MMS22L: variants seen among roughly 807,000 people sequenced by gnomAD.
The protein encoded by MMS22L is protein MMS22-like.
In MMS22L, 74 loss-of-function variants were observed where a neutral mutation model predicts 159.1. The observed-to-expected ratio is 0.47, with a 90% CI of 0.39 to 0.56. The LOEUF (loss-of-function observed/expected upper bound fraction) is 0.56, where lower values mean the gene tolerates loss of function less well. Among genes scored for constraint, MMS22L ranks in the 20% least tolerant of loss-of-function variants. The pLI is 0.00. For missense variants in MMS22L, 1,351 were observed against 1,422.1 expected (o/e 0.95, Z 0.80); for synonymous variants, 517 against 506.9 (o/e 1.02, Z -0.27).
Position 97,262,764 on chromosome 6 carries a change from A to G in MMS22L, c.942+571T>C, listed in dbSNP as rs1328516336. 2.0e-5 allele frequency among the ~76,000 whole-genome samples: 3 copies of G among 152,178 alleles called. No individual in the cohort carries two copies. In the South Asian group the frequency reaches 6.2e-4, roughly 32 times the overall value. ...AAAAGTACCCTTTCATATAACATAAACCATTTTTAATACCGTTTTACAACA... is the reference window on the plus strand; with the variant it reads ...AAAAGTACCCTTTCATATAACATAAGCCATTTTTAATACCGTTTTACAACA... On this transcript the variant is annotated intron_variant, in intron 9 of 24. Coordinates refer to ENST00000683635, the MANE Select transcript of MMS22L (RefSeq NM_001350599.2).
chr6:97,196,998 A>G (rs1166983923), intron 14 of MMS22L, among the ~76,000 whole-genome samples: 1 of 152,192 alleles, frequency 6.6e-6, no homozygotes, highest in Non-Finnish European at 1.5e-5. Context: ...ACCCATAAGC[A>G]TCAGCTTCAC....
At chr6:97,195,051 GGAT>G (rs1212147991) in intron 14 of MMS22L, among the ~76,000 whole-genome samples, 2 of 152,126 alleles carry the variant, frequency 1.3e-5, no homozygotes, top group African/African-American at 2.4e-5. Context: ...CACAGTATGG[GGAT>G]GATGATTGAT....
intron 14 of MMS22L, among the ~76,000 whole-genome samples, chr6:97,212,582 C>T (rs1808505407): frequency 6.6e-6 from 1 of 152,110 alleles, no homozygotes; most frequent in Admixed American, 6.5e-5. Context: ...TTTTTATTCT[C>T]CAAATCAGCT....
Position 97,162,135 on chromosome 6 carries a change from T to C in MMS22L, c.3252A>G (p.Ser1084=). 6.2e-7 allele frequency: 1 copy of C among 1,608,382 alleles called. No homozygotes were observed. The highest frequency in any genetic ancestry group is 8.5e-7 in the Non-Finnish European group (1 of 1,178,034). The change falls in exon 22 of 25, where the codon TCA becomes TCG. Residue 1084 remains serine (S), a synonymous_variant. Transcript: ENST00000683635. ...RKSYLEYKGS[S]PPPRLASILA... ...GAATGGATGCTAAGCGAGGAGGAGG[T>C]GAGGACCCCTTATACTCAAGGTAGG... is the stretch of plus-strand genomic sequence containing the variant.
chr6:97,221,305 G>A (rs748027343), intron 14 of MMS22L, among the ~76,000 whole-genome samples: 47 of 152,046 alleles, frequency 3.1e-4, no homozygotes, highest in Non-Finnish European at 5.9e-4. Context: ...TCTATGTACC[G>A]GATTTAGATA....
intron 14 of MMS22L, among the ~76,000 whole-genome samples, chr6:97,203,367 T>C (rs974378227): frequency 3.9e-5 from 6 of 152,180 alleles, no homozygotes; most frequent in East Asian, 3.8e-4. Flanking sequence ...CAAAGGGCTC[T>C]AGAGGGTCTG....
chr6:97,209,145 C>A (rs1387968587), intron 14 of MMS22L, among the ~76,000 whole-genome samples: 1 of 151,946 alleles, frequency 6.6e-6, no homozygotes, highest in Non-Finnish European at 1.5e-5. Context: ...TCTTCCTTCT[C>A]CTACTGATGA....
chr6:97,269,415 G>A (rs528813357), intron 7 of MMS22L, among the ~76,000 whole-genome samples: 226 of 152,128 alleles, frequency 1.5e-3, no homozygotes, highest in Non-Finnish European at 1.5e-3. Context: ...TAACTTGTAC[G>A]CAGATTAAAG....
chr6:97,159,581 A>T (rs908964457), intron 22 of MMS22L, among the ~76,000 whole-genome samples: 1 of 152,024 alleles, frequency 6.6e-6, no homozygotes, highest in Non-Finnish European at 1.5e-5. Context: ...CAGCAAATAC[A>T]TATCTTAACT....
chr6:97,183,071 G>A (rs1017896155), intron 15 of MMS22L, among the ~76,000 whole-genome samples: 4 of 151,952 alleles, frequency 2.6e-5, no homozygotes, highest in Non-Finnish European at 4.4e-5. Context: ...GATACCCAGC[G>A]ACCTTGGCAT....
At chr6:97,166,788 C>A in intron 20 of MMS22L, among the ~76,000 whole-genome samples, 1 of 152,046 alleles carries the variant, frequency 6.6e-6, no homozygotes, top group Non-Finnish European at 1.5e-5. Flanking sequence ...AAGAAATATT[C>A]CAGACTCTCC....
At chr6:97,199,110 A>G (rs556083783) in intron 14 of MMS22L, among the ~76,000 whole-genome samples, 1 of 152,244 alleles carries the variant, frequency 6.6e-6, no homozygotes, top group Non-Finnish European at 1.5e-5. Flanking sequence ...GACAACTGCA[A>G]TCATTCTACC....
At chr6:97,243,648 TAAAG>T (rs943815135) in intron 11 of MMS22L, among the ~76,000 whole-genome samples, 2 of 152,154 alleles carry the variant, frequency 1.3e-5, no homozygotes, top group African/African-American at 2.4e-5. Flanking sequence ...GTGGGGGTGA[TAAAG>T]AACCTTGTTT....
chr6:97,278,085 A>G (rs1816415750), intron 4 of MMS22L, among the ~76,000 whole-genome samples: 1 of 152,202 alleles, frequency 6.6e-6, no homozygotes, highest in Non-Finnish European at 1.5e-5. Context: ...AGACTGCACT[A>G]AAACACACTG....
At chr6:97,171,546 C>G (rs544739740) in intron 19 of MMS22L, among the ~76,000 whole-genome samples, 1 of 152,230 alleles carries the variant, frequency 6.6e-6, no homozygotes, top group African/African-American at 2.4e-5. Flanking sequence ...AAAACAAAAT[C>G]TACAGAGGAG....
intron 14 of MMS22L, among the ~76,000 whole-genome samples, chr6:97,224,723 T>C (rs186402544): frequency 6.6e-6 from 1 of 151,990 alleles, no homozygotes; most frequent in East Asian, 1.9e-4. Context: ...ATTTCATTCA[T>C]TCATCTCTAA....
intron 14 of MMS22L, among the ~76,000 whole-genome samples, chr6:97,199,699 G>T (rs1347294371): frequency 1.1e-4 from 16 of 144,744 alleles, no homozygotes; most frequent in African/African-American, 3.0e-4. Context: ...ATAGTGACTT[G>T]TTTTTTTTTT....
At chr6:97,209,292 A>G (rs1430420750) in intron 14 of MMS22L, among the ~76,000 whole-genome samples, 5 of 152,046 alleles carry the variant, frequency 3.3e-5, no homozygotes, top group Admixed American at 3.3e-4. Flanking sequence ...ACCAAAAAGC[A>G]TTTTGCACTA....
intron 4 of MMS22L, among the ~76,000 whole-genome samples, chr6:97,276,791 A>G (rs1816278701): frequency 6.6e-6 from 1 of 152,262 alleles, no homozygotes; most frequent in Non-Finnish European, 1.5e-5. Context: ...AGGAGCTCAC[A>G]GATAGACAAA....
Sources: gnomAD v4.1 joint callset for allele counts (sites outside exome capture counted in the v4.1 genomes callset) on GRCh38, gnomAD v4.1.1 for gene constraint, MANE v1.5 for transcripts, NCBI Gene and HGNC (gene_info 2026-07-23, HGNC 2026-07-21) for gene names.